Variants in AMZ1 observed in about 807,000 individuals in gnomAD.
The protein encoded by AMZ1 is archaemetzincin-1.
In AMZ1, 39 loss-of-function variants were observed where a neutral mutation model predicts 29.9. That is an observed-to-expected ratio of 1.30 (90% CI 1.01 to 1.70). The LOEUF (loss-of-function observed/expected upper bound fraction) is 1.70, where lower values mean the gene tolerates loss of function less well. Ranked by LOEUF, AMZ1 falls within the 40% of genes most tolerant of loss-of-function variation. The pLI is 0.00. For synonymous variants in AMZ1, 458 were observed against 304.0 expected (o/e 1.51, Z -5.27); for missense variants, 1,041 against 680.6 (o/e 1.53, Z -5.89).
intron 1 of AMZ1, among the ~76,000 whole-genome samples, chr7:2,693,903 A>T (rs112100206): frequency 1.3e-5 from 2 of 152,004 alleles, no homozygotes; most frequent in Non-Finnish European, 2.9e-5. Context: ...CCTACCTTCT[A>T]TGCTATTTAC....
rs376632508 is a variant in AMZ1, at chr7:2,683,105, GGA to G, written c.-219+3438_-219+3439del. 6.4e-4 allele frequency among the ~76,000 whole-genome samples: 98 copies of G among 152,296 alleles called. No homozygotes were observed. The East Asian group carries it at 0.018, about 28-fold the overall frequency. On this transcript the variant is annotated intron_variant, in intron 1 of 6. Transcript: ENST00000312371. Reference sequence around the variant, plus strand: ...CAGGACTCCTTGTGCCAATGCCCCGGGAGAGTTTTCCTCTTCCTTATAAAACC... The same window carrying G: ...CAGGACTCCTTGTGCCAATGCCCCGGGAGTTTTCCTCTTCCTTATAAAACC...
intron 1 of AMZ1, among the ~76,000 whole-genome samples, chr7:2,689,528 C>T (rs1360498663): frequency 2.6e-5 from 4 of 152,234 alleles, no homozygotes; most frequent in Admixed American, 2.6e-4. Context: ...CTGTCCCCGT[C>T]AGAACATCCC....
rs57754714 is a variant in AMZ1 at position 2,718,329 on chromosome 7, A to T, written c.*5451A>T. ...CGCCACAGTGTGCCTGGTTTTCTGG[A>T]TACAGCATGACTGAACCGCCCCTTC... On this transcript the variant is annotated 3_prime_UTR_variant, in exon 7 of 7. Transcript: ENST00000683327. Among the ~76,000 whole-genome samples the T allele has an allele frequency of 2.6e-5, 4 of 152,100 alleles. No homozygotes were observed.
intron 6 of AMZ1, among the ~76,000 whole-genome samples, chr7:2,710,647 C>T (rs1391712305): frequency 6.6e-6 from 1 of 152,246 alleles, no homozygotes; most frequent in Non-Finnish European, 1.5e-5. Context: ...CGTGGCATTT[C>T]TAGCTCACAG....
At chr7:2,734,649 G>C (rs1174680259) in intron 4 of AMZ1, among the ~76,000 whole-genome samples, 2 of 152,248 alleles carry the variant, frequency 1.3e-5, no homozygotes, top group Non-Finnish European at 2.9e-5. Context: ...AGAAAGCAGA[G>C]AGGAAGCTCC....
At chr7:2,754,582 T>TA (rs34822125) in intron 4 of AMZ1, among the ~76,000 whole-genome samples, 156 of 143,558 alleles carry the variant, frequency 1.1e-3, no homozygotes, top group East Asian at 3.5e-3. Flanking sequence ...ATCTCTACTT[T>TA]AAAAAAAAAA....
intron 4 of AMZ1, among the ~76,000 whole-genome samples, chr7:2,726,501 G>C (rs1013549894): frequency 3.9e-5 from 6 of 152,216 alleles, no homozygotes; most frequent in Non-Finnish European, 7.3e-5. Context: ...ATTCGACTGT[G>C]TCCCCAGGGC....
chr7:2,755,202 C>A (rs143816624), intron 4 of AMZ1, among the ~76,000 whole-genome samples: 1 of 152,268 alleles, frequency 6.6e-6, no homozygotes, highest in Non-Finnish European at 1.5e-5. Flanking sequence ...GGGAGAGTGG[C>A]CCCTCCCACT....
chr7:2,738,436 A>G (rs1330988140), intron 4 of AMZ1, among the ~76,000 whole-genome samples: 1 of 152,216 alleles, frequency 6.6e-6, no homozygotes, highest in Non-Finnish European at 1.5e-5. Flanking sequence ...GCGAAGGAGA[A>G]GAGCTCCGTG....
intron 6 of AMZ1, among the ~76,000 whole-genome samples, chr7:2,711,682 G>C (rs1435926946): frequency 6.6e-6 from 1 of 152,122 alleles, no homozygotes; most frequent in Non-Finnish European, 1.5e-5. Flanking sequence ...CTGCCTCCCT[G>C]TGCTGGGATT....
chr7:2,709,326 C>A, intron 5 of AMZ1, 82 bp downstream of exon 5: 1 of 1,352,492 alleles, frequency 7.4e-7, no homozygotes, highest in Non-Finnish European at 9.8e-7. Flanking sequence ...TTACACTGCC[C>A]CATCCTCACA....
At chr7:2,679,617 G>C (rs1786813212) in exon 1 of AMZ1, 1 of 152,346 alleles carries the variant, frequency 6.6e-6, no homozygotes, top group Admixed American at 6.5e-5. Flanking sequence ...CGGCAGAGGT[G>C]GCCACTGCCC....
upstream of AMZ1, among the ~76,000 whole-genome samples, chr7:2,685,026 C>G (rs555483914): frequency 1.3e-5 from 2 of 151,742 alleles, no homozygotes; most frequent in East Asian, 2.0e-4. Flanking sequence ...CCCGCCACCA[C>G]GCCCGGCTAA....
chr7:2,727,418 C>T (rs182336260), intron 4 of AMZ1, among the ~76,000 whole-genome samples: 37 of 152,002 alleles, frequency 2.4e-4, no homozygotes, highest in African/African-American at 8.7e-4. Context: ...TTGCTCTTGC[C>T]CAGGGTGGAG....
chr7:2,698,121 C>T (rs910548253), intron 1 of AMZ1, among the ~76,000 whole-genome samples: 2 of 152,116 alleles, frequency 1.3e-5, no homozygotes, highest in Non-Finnish European at 2.9e-5. Context: ...GTGGGCCAGG[C>T]GTGGTACGTA....
At chr7:2,762,525 A>T (rs1041898455), upstream of AMZ1, 8 of 1,099,296 alleles carry the variant, frequency 7.3e-6, no homozygotes, top group Non-Finnish European at 1.0e-5. Flanking sequence ...CTACAAAAGC[A>T]GTTCCACCAC....
At chr7:2,758,386 GAA>G (rs1430009919) in intron 4 of AMZ1, among the ~76,000 whole-genome samples, 6 of 152,184 alleles carry the variant, frequency 3.9e-5, no homozygotes, top group Admixed American at 6.5e-5. Flanking sequence ...GCTTGCACAT[GAA>G]AGAGGGTGTA....
intron 2 of AMZ1, 55 bp downstream of exon 2, chr7:2,700,810 C>T (rs999702885): frequency 1.9e-6 from 3 of 1,574,056 alleles, no homozygotes; most frequent in Non-Finnish European, 8.6e-7. Flanking sequence ...TTATATATAG[C>T]ACAAGTGGGG....
rs372160971 is a variant in AMZ1, at chr7:2,712,697, G to C, written c.1316G>C (p.Arg439Pro). ...GACAGAGCCGTGGACGCCCTCGACC[G>C]CTGGGAGATGTTCACGGGCCAGCTC... ...QVDRAVDALD[R>P]WEMFTGQLPA... The change falls in exon 7 of 7, where the codon CGC becomes CCC. Residue 439 changes from arginine to proline, a missense_variant. Transcript: ENST00000683327. 1 of 1,611,668 alleles carries C rather than the reference G, an allele frequency of 6.2e-7. No homozygotes were observed. Among genetic ancestry groups the C allele is most frequent in the Non-Finnish European group, 8.5e-7 (1 of 1,179,244 alleles).
Sources: gnomAD v4.1 joint callset for allele counts (sites outside exome capture counted in the v4.1 genomes callset) on GRCh38, gnomAD v4.1.1 for gene constraint, MANE v1.5 for transcripts, NCBI Gene and HGNC (gene_info 2026-07-23, HGNC 2026-07-21) for gene names.